Variants in ITIH2 observed in about 807,000 individuals in gnomAD.
ITIH2 encodes the protein inter-alpha-trypsin inhibitor heavy chain 2.
ITIH2 carries 103 observed loss-of-function variants against 104.4 expected under a neutral mutation model. That is an observed-to-expected ratio of 0.99 (90% CI 0.84 to 1.16). The LOEUF is 1.16. Among genes scored for constraint, ITIH2 ranks in the 50% most tolerant of loss-of-function variants. The pLI is 0.00. For synonymous variants in ITIH2, 436 were observed against 435.4 expected (o/e 1.00, Z -0.02); for missense variants, 1,108 against 1,162.4 (o/e 0.95, Z 0.68).
At chr10:7,709,659 C>T (rs1834778517) in intron 4 of ITIH2, among the ~76,000 whole-genome samples, 1 of 152,094 alleles carries the variant, frequency 6.6e-6, no homozygotes, top group Non-Finnish European at 1.5e-5. Context: ...GTGATGATTT[C>T]CTTGATGATA....
intron 20 of ITIH2, among the ~76,000 whole-genome samples, chr10:7,748,134 G>A (rs1163529360): frequency 2.0e-5 from 3 of 150,320 alleles, no homozygotes; most frequent in Admixed American, 6.7e-5. Flanking sequence ...ACTTGAACCC[G>A]GAAGGCAGAG....
rs1320854825 is a variant in ITIH2, at chr10:7,744,869, T to C, written c.2487T>C (p.His829=). The change falls in exon 19 of 21, where the codon CAT becomes CAC. Residue 829 remains histidine (H), a synonymous_variant. Coordinates refer to ENST00000358415, the MANE Select transcript of ITIH2 (RefSeq NM_002216.3). ...AGATGTCCTTTTCTGTTTTACTTCA[T>C]CGTGTTTGGAAGAAGCATCCCGTCA... ...DKEMSFSVLL[H]RVWKKHPVNV... 9.9e-6 allele frequency: 16 copies of C among 1,614,144 alleles called. No homozygotes were observed. Among genetic ancestry groups the C allele is most frequent in the Non-Finnish European group, 1.4e-5 (16 of 1,179,982 alleles).
rs1335031398 is a variant in ITIH2 at position 7,737,694 on chromosome 10, T to C, written c.1958-927T>C. 2.3e-4 allele frequency among the ~76,000 whole-genome samples: 14 copies of C among 60,304 alleles called. 1 individual carries two copies. The highest frequency in any genetic ancestry group is 1.6e-3 in the African/African-American group (14 of 8,812). The allele number at this position is 60,304 out of a possible 152,430, so 39.6% of individuals were successfully genotyped here. A position where few individuals can be genotyped will look rare whatever the true frequency, so the allele number is the denominator to read the frequency against. ...ATTCTATATTTTCTATATTATATTC[T>C]ATATAATATTCTATATTATATTCTA... is the stretch of plus-strand genomic sequence containing the variant. On this transcript the variant is annotated intron_variant, in intron 15 of 20. Transcript: ENST00000358415.
At chr10:7,708,876 AT>A in intron 3 of ITIH2, 145 bp from the exon 4 acceptor site, 2 of 700,526 alleles carry the variant, frequency 2.9e-6, no homozygotes, top group Non-Finnish European at 4.9e-6. Context: ...TTAACCATAC[AT>A]GAATTCTGTC....
In ITIH2 at chr10:7,723,152, GCGTGGAGTGGTGTGA is replaced by G. The variant is rs1187058413; in HGVS notation, c.868-288_868-274del. On this transcript the variant is annotated intron_variant, in intron 8 of 20. Transcript: ENST00000358415. ...CCCTGGCATGGCGTGGAGTGGCGTG[GCGTGGAGTGGTGTGA>G]CGTGGAGTGGAGTGGCATGGTGTGG... Among the ~76,000 whole-genome samples the G allele has an allele frequency of 8.6e-5, 13 of 151,642 alleles. No homozygotes were observed. The East Asian group carries it at 1.7e-3, about 20-fold the overall frequency.
At chr10:7,720,428 G>A (rs1834891056) in intron 6 of ITIH2, among the ~76,000 whole-genome samples, 1 of 152,148 alleles carries the variant, frequency 6.6e-6, no homozygotes, top group Non-Finnish European at 1.5e-5. Context: ...TCTGTTCAAA[G>A]CAAGAAGACA....
intron 12 of ITIH2, among the ~76,000 whole-genome samples, chr10:7,730,516 AT>A (rs1834992469): frequency 6.6e-6 from 1 of 152,006 alleles, no homozygotes; most frequent in Admixed American, 6.6e-5. Flanking sequence ...CACAGTGTAA[AT>A]TTTCTTAAGT....
intron 15 of ITIH2, among the ~76,000 whole-genome samples, chr10:7,736,991 C>T (rs139397948): frequency 1.6e-3 from 247 of 152,108 alleles, no homozygotes; most frequent in Non-Finnish European, 1.6e-3. Context: ...CAATGTGAGC[C>T]CTTCTTCAAT....
At chr10:7,706,513 C>T (rs1371877671) in intron 2 of ITIH2, among the ~76,000 whole-genome samples, 1 of 152,136 alleles carries the variant, frequency 6.6e-6, no homozygotes, top group East Asian at 1.9e-4. Flanking sequence ...GTGTTTGCCT[C>T]AGGGGTTACA....
Position 7,749,477 on chromosome 10 carries a change from A to G in ITIH2, c.*143A>G. On this transcript the variant is annotated 3_prime_UTR_variant, in exon 21 of 21. Coordinates refer to ENST00000358415, the MANE Select transcript of ITIH2 (RefSeq NM_002216.3). ...TGAACCAGATATCAGGGTGGTTTAT[A>G]AAGCCTGTAAACACACCTAAGAAAA... 1.5e-6 allele frequency: 1 copy of G among 659,300 alleles called. No homozygotes were observed. Among genetic ancestry groups the G allele is most frequent in the Non-Finnish European group, 2.5e-6 (1 of 395,516 alleles). The allele number at this position is 659,300 out of a possible 1,614,324, so 40.8% of individuals were successfully genotyped here. A position where few individuals can be genotyped will look rare whatever the true frequency, so the allele number is the denominator to read the frequency against.
rs1236219371 is a variant in ITIH2, at chr10:7,744,971, G to C, written c.2581+8G>C. The C allele has an allele frequency of 6.2e-7, 1 of 1,611,374 alleles. No individual in the cohort carries two copies. Among genetic ancestry groups the C allele is most frequent in the African/African-American group, 1.3e-5 (1 of 74,984 alleles). On this transcript the variant is annotated splice_region_variant and intron_variant, in intron 19 of 20. Transcript: ENST00000358415. ...AAGCCCACGGACTAATAGGTAAAGTGTCTATTGACCATCTGACAAGGGTGG... is the reference window on the plus strand; with the variant it reads ...AAGCCCACGGACTAATAGGTAAAGTCTCTATTGACCATCTGACAAGGGTGG...
chr10:7,748,437 T>C (rs1277642017), intron 20 of ITIH2, among the ~76,000 whole-genome samples: 1 of 140,174 alleles, frequency 7.1e-6, no homozygotes, highest in African/African-American at 2.6e-5. Flanking sequence ...GCCCTTCAAG[T>C]GGAGGACATG....
At chr10:7,737,808 ATATTCTATATAATATTC>A (rs1835080543) in intron 15 of ITIH2, among the ~76,000 whole-genome samples, 1 of 20,912 alleles carries the variant, frequency 4.8e-5, no homozygotes, top group Non-Finnish European at 8.3e-5. Flanking sequence ...ATTCTATATT[ATATTCTATATAATATTC>A]TATATTATAT....
chr10:7,734,758 C>A (rs1835036482), intron 14 of ITIH2, among the ~76,000 whole-genome samples, 164 bp from the exon 15 acceptor site: 1 of 152,208 alleles, frequency 6.6e-6, no homozygotes, highest in African/African-American at 2.4e-5. Context: ...AGATAAAATA[C>A]TCAGCTTCTC....
intron 5 of ITIH2, among the ~76,000 whole-genome samples, chr10:7,715,654 A>G (rs1225434784): frequency 6.6e-6 from 1 of 152,060 alleles, no homozygotes. Flanking sequence ...TTTTTCTTCA[A>G]TTATTTGATA....
At chr10:7,708,974 C>T (rs1372154889) in intron 3 of ITIH2, 48 bp from the exon 4 acceptor site, 4 of 1,494,274 alleles carry the variant, frequency 2.7e-6, no homozygotes, top group Non-Finnish European at 3.7e-6. Context: ...TGATGAAGTT[C>T]TGTGTGATTT....
rs529508862 is a variant in ITIH2 at position 7,710,003 on chromosome 10, GCCACCA to G, written c.362+813_362+818del. On this transcript the variant is annotated intron_variant, in intron 4 of 20. Transcript: ENST00000358415. ...TGAGTAGCTGGGACTACAGGCACCC[GCCACCA>G]TGCCTGGCTAATTTTCGTATTTTTA... 3.9e-5 allele frequency among the ~76,000 whole-genome samples: 6 copies of G among 152,138 alleles called. No homozygotes were observed. The South Asian group carries it at 1.2e-3, about 32-fold the overall frequency.
intron 16 of ITIH2, among the ~76,000 whole-genome samples, chr10:7,741,995 G>T (rs765950314): frequency 6.6e-6 from 1 of 152,240 alleles, no homozygotes; most frequent in East Asian, 1.9e-4. Context: ...TTTGCCTGGG[G>T]GGCACTAATC....
In ITIH2 at chr10:7,703,464, CT is replaced by C. The variant is rs1395995856; in HGVS notation, c.32del (p.Phe11SerfsTer13). The C allele has an allele frequency of 1.9e-6, 3 of 1,614,006 alleles. No individual in the cohort carries two copies. Among genetic ancestry groups the C allele is most frequent in the Non-Finnish European group, 2.5e-6 (3 of 1,179,862 alleles). On this transcript the variant is annotated frameshift_variant, in exon 1 of 21. Coordinates refer to ENST00000358415, the MANE Select transcript of ITIH2 (RefSeq NM_002216.3). LOFTEE classifies it high-confidence loss of function. ...AAAGACTCACGTGCTTTTTCATCTG[CT>C]TCTTTCTTTCTGAAGTATCAGGCTT... is the stretch of plus-strand genomic sequence containing the variant. MKRLTCFFIC[F>X]FLSEVSGFEI...
Sources: gnomAD v4.1 joint callset for allele counts (sites outside exome capture counted in the v4.1 genomes callset) on GRCh38, gnomAD v4.1.1 for gene constraint, MANE v1.5 for transcripts, NCBI Gene and HGNC (gene_info 2026-07-23, HGNC 2026-07-21) for gene names.